The following AHDC1 variants were observed in gnomAD, a reference collection of about 807,000 sequenced individuals.
AHDC1 encodes the protein AT-hook DNA binding motif containing 1.
Under a neutral mutation model 87.9 loss-of-function variants are expected in AHDC1, and 7 were observed. The observed-to-expected ratio is 0.08, with a 90% CI of 0.05 to 0.15. The LOEUF (loss-of-function observed/expected upper bound fraction) is 0.15. Among genes scored for constraint, AHDC1 ranks in the 10% least tolerant of loss-of-function variants. The probability of loss-of-function intolerance (pLI) is 1.00; values close to 1 mark genes in which losing one functional copy is unlikely to be tolerated. For missense variants in AHDC1, 1,841 were observed against 2,253.2 expected (o/e 0.82, Z 3.70); for synonymous variants, 1,051 against 1,006.8 (o/e 1.04, Z -0.83).
At chr1:27,546,452 A>G (rs961759244) in intron 8 of AHDC1, among the ~76,000 whole-genome samples, 1 of 152,234 alleles carries the variant, frequency 6.6e-6, no homozygotes, top group African/African-American at 2.4e-5. Flanking sequence ...GAACTCTCAG[A>G]AAAGTCTTTG....
In AHDC1 at chr1:27,550,922, T is replaced by A; in HGVS notation, c.1194A>T (p.Lys398Asn). The change falls in exon 8 of 9, where the codon AAA becomes AAT. Residue 398 changes from lysine to asparagine, a missense_variant. Transcript: ENST00000673934. The part of the protein sequence containing the change: ...DRPKILCRRR[K>N]AGRGRKADAG... ...CGTCTGCCTTGCGTCCCCGTCCGGC[T>A]TTCCGCCGGCGACACAGGATCTTTG... is the stretch of plus-strand genomic sequence containing the variant. The A allele has an allele frequency of 6.3e-7, 1 of 1,598,220 alleles. No homozygotes were observed. Among genetic ancestry groups the A allele is most frequent in the Middle Eastern group, 1.7e-4 (1 of 6,052 alleles).
rs1190043570 is a variant in AHDC1, at chr1:27,593,237, C to A, written c.-629+10160G>T. Among the ~76,000 whole-genome samples, 1 of 152,118 alleles carries A rather than the reference C, an allele frequency of 6.6e-6. No individual in the cohort carries two copies. The highest frequency in any genetic ancestry group is 2.4e-5 in the African/African-American group (1 of 41,404). On this transcript the variant is annotated intron_variant, in intron 3 of 8. Transcript: ENST00000673934. The surrounding 1 kb of genome is among the most constrained non-coding windows in gnomAD (Gnocchi z 4.9). ...TCCGTCCCTCCCCTCCCCCTCCACT[C>A]CTCCAGGCAGGCAGCGATAGGATTA...
In AHDC1 at chr1:27,598,915, C is replaced by T. The variant is rs1475574950; in HGVS notation, c.-629+4482G>A. On this transcript the variant is annotated intron_variant, in intron 3 of 8. Coordinates refer to ENST00000673934, the MANE Select transcript of AHDC1 (RefSeq NM_001371928.1). This position sits in a 1 kb window ranked among gnomAD's most constrained non-coding sequence, Gnocchi z 4.2. ...CCGTCACAAAGCCAGCAGCTTCAGA[C>T]AGCATCCCTTAACATTCTCCCTGGC... Among the ~76,000 whole-genome samples, 1 of 152,166 alleles carries T rather than the reference C, an allele frequency of 6.6e-6. No individual in the cohort carries two copies. The highest frequency in any genetic ancestry group is 2.4e-5 in the African/African-American group (1 of 41,426).
chr1:27,586,005 G>A, intron 3 of AHDC1, among the ~76,000 whole-genome samples: 1 of 152,200 alleles, frequency 6.6e-6, no homozygotes, highest in East Asian at 1.9e-4. Context: ...AGACATGCTG[G>A]TGTCCCACAG....
chr1:27,574,442 A>G (rs548904074), intron 3 of AHDC1, among the ~76,000 whole-genome samples: 49 of 152,118 alleles, frequency 3.2e-4, no homozygotes, highest in Non-Finnish European at 4.4e-4. Context: ...TTTGAGCCCC[A>G]CCACAAGGCC....
intron 3 of AHDC1, among the ~76,000 whole-genome samples, chr1:27,585,067 G>T (rs2089012601): frequency 6.6e-6 from 1 of 151,800 alleles, no homozygotes; most frequent in South Asian, 2.1e-4. Context: ...CAGCTACTTG[G>T]TCTGGGCGAC....
At chr1:27,575,550 C>A (rs1421979963) in intron 3 of AHDC1, among the ~76,000 whole-genome samples, 1 of 151,980 alleles carries the variant, frequency 6.6e-6, no homozygotes, top group Non-Finnish European at 1.5e-5. Flanking sequence ...CTCGCTCCCC[C>A]GGCCGGCCGC....
intron 8 of AHDC1, among the ~76,000 whole-genome samples, chr1:27,545,669 T>C (rs1308454666): frequency 6.6e-6 from 1 of 150,922 alleles, no homozygotes; most frequent in Non-Finnish European, 1.5e-5. Context: ...GCTCTGCTGG[T>C]TGCAATGAGA....
chr1:27,553,966 G>A (rs1419406125), intron 5 of AHDC1, among the ~76,000 whole-genome samples: 2 of 152,194 alleles, frequency 1.3e-5, no homozygotes, highest in African/African-American at 4.8e-5. Context: ...TCAAGAGGCT[G>A]AGGTGGGAGG....
At position 27,590,716 on chromosome 1, in the gene AHDC1, A is replaced by G. The variant is rs2089199246; in HGVS notation, c.-629+12681T>C. 6.6e-6 allele frequency among the ~76,000 whole-genome samples: 1 copy of G among 152,116 alleles called. No individual in the cohort carries two copies. The highest frequency in any genetic ancestry group is 1.5e-5 in the Non-Finnish European group (1 of 68,012). ...AAAGTTGGGGAAACTGAGGCAGTGAAGCCCTCCGCCCTACTCATCACAATG... is the reference window on the plus strand; with the variant it reads ...AAAGTTGGGGAAACTGAGGCAGTGAGGCCCTCCGCCCTACTCATCACAATG... On this transcript the variant is annotated intron_variant, in intron 3 of 8. Coordinates refer to ENST00000673934, the MANE Select transcript of AHDC1 (RefSeq NM_001371928.1). This position sits in a 1 kb window ranked among gnomAD's most constrained non-coding sequence, Gnocchi z 5.4.
intron 8 of AHDC1, among the ~76,000 whole-genome samples, chr1:27,539,734 G>A (rs1452324609): frequency 2.0e-5 from 3 of 152,194 alleles, no homozygotes; most frequent in East Asian, 3.9e-4. Context: ...GTGAGCCACC[G>A]CACCCGGCCT....
chr1:27,545,910 G>A (rs192449931), intron 8 of AHDC1, among the ~76,000 whole-genome samples: 15 of 152,292 alleles, frequency 9.8e-5, no homozygotes, highest in Admixed American at 9.8e-4. Context: ...TCTGGGAATG[G>A]TCCTCCCGGA....
rs1288907564 is a variant in AHDC1, at chr1:27,598,190, C to T, written c.-629+5207G>A. 2.6e-5 allele frequency among the ~76,000 whole-genome samples: 4 copies of T among 152,214 alleles called. No homozygotes were observed. Among genetic ancestry groups the T allele is most frequent in the Admixed American group, 6.5e-5 (1 of 15,290 alleles). On this transcript the variant is annotated intron_variant, in intron 3 of 8. Coordinates refer to ENST00000673934, the MANE Select transcript of AHDC1 (RefSeq NM_001371928.1). This position sits in a 1 kb window ranked among gnomAD's most constrained non-coding sequence, Gnocchi z 4.2. ...TGGCAGCTGGGCTGAATTGGGAGTTCGGGGCCAGCCAGCTGCAGAAGCAGC... is the reference window on the plus strand; with the variant it reads ...TGGCAGCTGGGCTGAATTGGGAGTTTGGGGCCAGCCAGCTGCAGAAGCAGC...
In AHDC1 at chr1:27,590,274, C is replaced by T. The variant is rs1418243486; in HGVS notation, c.-629+13123G>A. ...CTGGGTCCCTGGGGCCAGGCAGCAG[C>T]GAGTTCCCTGGGGAGCTGGGCGGGG... On this transcript the variant is annotated intron_variant, in intron 3 of 8. Transcript: ENST00000673934. This position sits in a 1 kb window ranked among gnomAD's most constrained non-coding sequence, Gnocchi z 5.4. Among the ~76,000 whole-genome samples the T allele has an allele frequency of 1.3e-5, 2 of 152,194 alleles. No homozygotes were observed. The highest frequency in any genetic ancestry group is 4.8e-5 in the African/African-American group (2 of 41,456).
intron 3 of AHDC1, among the ~76,000 whole-genome samples, chr1:27,559,966 G>C (rs1482310027): frequency 6.6e-6 from 1 of 152,160 alleles, no homozygotes; most frequent in African/African-American, 2.4e-5. Context: ...ACCTGTATGT[G>C]GGTTCCTGGG....
intron 3 of AHDC1, among the ~76,000 whole-genome samples, chr1:27,592,583 C>CA (rs2089256793): frequency 6.6e-6 from 1 of 150,906 alleles, no homozygotes; most frequent in African/African-American, 2.4e-5. Flanking sequence ...CTCCCCCCCC[C>CA]AGGCCCTGCT....
In AHDC1 at chr1:27,551,444, A is replaced by G; in HGVS notation, c.672T>C (p.Gly224=). 1 of 1,612,296 alleles carries G rather than the reference A, an allele frequency of 6.2e-7. No homozygotes were observed. Among genetic ancestry groups the G allele is most frequent in the Non-Finnish European group, 8.5e-7 (1 of 1,179,766 alleles). The change falls in exon 8 of 9, where the codon GGT becomes GGC. Residue 224 remains glycine, a synonymous_variant. Coordinates refer to ENST00000673934, the MANE Select transcript of AHDC1 (RefSeq NM_001371928.1). ...HSPGATAAAT[G]LPPEPEPDST... is the part of the protein sequence containing the mutation. ...TGTCTGGCTCAGGCTCTGGGGGCAG[A>G]CCCGTGGCCGCAGCCGTGGCTCCGG...
intron 8 of AHDC1, among the ~76,000 whole-genome samples, chr1:27,541,628 G>GTTT (rs1315812535): frequency 3.4e-5 from 4 of 118,054 alleles, no homozygotes; most frequent in Non-Finnish European, 3.6e-5. Flanking sequence ...CCATGTGGAG[G>GTTT]TTTTTTTTTT....
In AHDC1 at chr1:27,553,315, C is replaced by A. The variant is rs878861346; in HGVS notation, c.-224-130G>T. 10 of 152,274 alleles carry A rather than the reference C, an allele frequency of 6.6e-5. No individual in the cohort carries two copies. The South Asian group carries it at 1.7e-3, about 25-fold the overall frequency. The allele number at this position is 152,274 out of a possible 1,614,324, so 9.4% of individuals were successfully genotyped here. A position where few individuals can be genotyped will look rare whatever the true frequency, so the allele number is the denominator to read the frequency against. On this transcript the variant is annotated intron_variant, in intron 5 of 8. Coordinates refer to ENST00000673934, the MANE Select transcript of AHDC1 (RefSeq NM_001371928.1). ...CCTGTGAGGTAGGGGCTATTAATAA[C>A]CCCATTTTGCAGATGAAGAAATGGA...
Sources: allele counts gnomAD v4.1 joint callset (sites outside exome capture counted in the v4.1 genomes callset), GRCh38; gene constraint gnomAD v4.1.1; non-coding constraint Gnocchi (gnomAD v3.1); transcripts MANE v1.5; gene names NCBI Gene and HGNC (gene_info 2026-07-23, HGNC 2026-07-21).